Variants in WDR48 observed in about 807,000 individuals in gnomAD.
WDR48 encodes the protein WD repeat domain 48.
WDR48 carries 22 observed loss-of-function variants against 94.0 expected under a neutral mutation model. The observed-to-expected ratio is 0.23, with a 90% CI of 0.17 to 0.33. The LOEUF is 0.33. WDR48 is among the 10% of genes least tolerant of loss of function. WDR48 has a pLI of 1.00. For missense variants in WDR48, 541 were observed against 813.8 expected (o/e 0.66, Z 4.08); for synonymous variants, 278 against 280.5 (o/e 0.99, Z 0.09).
At chr3:39,067,784 A>C (rs1342965409) in intron 5 of WDR48, among the ~76,000 whole-genome samples, 1 of 152,170 alleles carries the variant, frequency 6.6e-6, no homozygotes, top group Admixed American at 6.5e-5. Flanking sequence ...ACTTGTGTTT[A>C]TAATCTCTTG....
At chr3:39,062,711 A>C (rs569820951) in intron 1 of WDR48, among the ~76,000 whole-genome samples, 121 of 152,322 alleles carry the variant, frequency 7.9e-4, no homozygotes, top group African/African-American at 2.7e-3. Flanking sequence ...TGAGTCTAGT[A>C]GTCAGCAACT....
At chr3:39,091,182 T>C (rs1198118477) in intron 16 of WDR48, 1 of 153,160 alleles carries the variant, frequency 6.5e-6, no homozygotes, top group African/African-American at 2.4e-5. Context: ...TGGGAGGACT[T>C]TGATTGGCCT....
chr3:39,066,405 T>G (rs1202789873), intron 3 of WDR48, 143 bp from the exon 4 acceptor site: 6 of 697,166 alleles, frequency 8.6e-6, no homozygotes, highest in Non-Finnish European at 1.4e-5. Flanking sequence ...ATACAATAGG[T>G]TCTAGAAAGA....
chr3:39,068,330 G>A (rs1460639131), intron 5 of WDR48, among the ~76,000 whole-genome samples: 1 of 152,084 alleles, frequency 6.6e-6, no homozygotes, highest in Non-Finnish European at 1.5e-5. Flanking sequence ...CTGAAAGGTT[G>A]TACCTATTTA....
At position 39,095,769 on chromosome 3, in the gene WDR48, C is replaced by G. The variant is rs1449657066; in HGVS notation, c.*1026C>G. On this transcript the variant is annotated 3_prime_UTR_variant, in exon 19 of 19. Transcript: ENST00000302313. ...GTATCCAGATCTTCTTTTCACTGTT[C>G]TAACAATCTAACACTTTCATAGAAT... 1 of 152,604 alleles carries G rather than the reference C, an allele frequency of 6.6e-6. No individual in the cohort carries two copies. The highest frequency in any genetic ancestry group is 1.5e-5 in the Non-Finnish European group (1 of 68,034). The allele number at this position is 152,604 out of a possible 1,614,324, so 9.5% of individuals were successfully genotyped here. A position where few individuals can be genotyped will look rare whatever the true frequency, so the allele number is the denominator to read the frequency against.
chr3:39,078,535 C>T (rs2034351441), intron 10 of WDR48, among the ~76,000 whole-genome samples: 2 of 151,918 alleles, frequency 1.3e-5, no homozygotes, highest in Admixed American at 6.5e-5. Flanking sequence ...TATCTTGCCT[C>T]ATCCTCCTGA....
chr3:39,087,229 G>A (rs892722288), intron 14 of WDR48, among the ~76,000 whole-genome samples: 3 of 152,162 alleles, frequency 2.0e-5, no homozygotes, highest in Middle Eastern at 3.2e-3. Flanking sequence ...ACCTGTGCTG[G>A]GTCAAAAGTT....
chr3:39,058,606 G>A (rs1388774654), intron 1 of WDR48, among the ~76,000 whole-genome samples: 1 of 152,176 alleles, frequency 6.6e-6, no homozygotes, highest in Non-Finnish European at 1.5e-5. Flanking sequence ...GAGAGAGGCT[G>A]AAGTTGACAT....
At chr3:39,069,802 G>T in intron 7 of WDR48, 58 bp downstream of exon 7, 1 of 1,436,286 alleles carries the variant, frequency 7.0e-7, no homozygotes, top group South Asian at 1.3e-5. Flanking sequence ...TCCGCACTTT[G>T]TATACTATTG....
intron 12 of WDR48, 64 bp from the exon 13 acceptor site, chr3:39,084,581 G>A (rs1056202483): frequency 4.2e-6 from 6 of 1,433,598 alleles, no homozygotes; most frequent in Admixed American, 1.9e-5. Context: ...AATAAATGAA[G>A]GTTTAGAGAC....
chr3:39,093,647 A>G (rs1261030120), intron 17 of WDR48, among the ~76,000 whole-genome samples: 3 of 152,158 alleles, frequency 2.0e-5, no homozygotes, highest in South Asian at 4.1e-4. Flanking sequence ...GTATATGTCA[A>G]GTTTTAAGAA....
At chr3:39,092,224 A>G (rs777802037) in intron 17 of WDR48, among the ~76,000 whole-genome samples, 73 of 152,322 alleles carry the variant, frequency 4.8e-4, no homozygotes, top group Admixed American at 1.7e-3. Flanking sequence ...CTTAATTCAC[A>G]GTTTAGGACC....
Position 39,094,764 on chromosome 3 carries a change from G to C in WDR48, c.*21G>C, listed in dbSNP as rs1416064558. 1 of 1,613,544 alleles carries C rather than the reference G, an allele frequency of 6.2e-7. No individual in the cohort carries two copies. The highest frequency in any genetic ancestry group is 1.7e-5 in the Admixed American group (1 of 59,962). ...CGTGAAGGCTGGGCTAATGCTCCTG[G>C]ATATTCATTTACGACCTTCCTCTAT... On this transcript the variant is annotated 3_prime_UTR_variant, in exon 19 of 19. Transcript: ENST00000302313.
chr3:39,067,015 C>G, intron 5 of WDR48, 140 bp downstream of exon 5: 1 of 960,444 alleles, frequency 1.0e-6, no homozygotes. Flanking sequence ...GCGTTCTGGC[C>G]CCCAAGAGTA....
chr3:39,094,518 G>A, intron 18 of WDR48, 130 bp from the exon 19 acceptor site: 1 of 1,540,068 alleles, frequency 6.5e-7, no homozygotes, highest in Non-Finnish European at 8.7e-7. Flanking sequence ...AGCCGTGACA[G>A]CAAGAATTGG....
chr3:39,095,054 A>G lies in WDR48; in HGVS notation c.*311A>G, dbSNP rs17038439. On this transcript the variant is annotated 3_prime_UTR_variant, in exon 19 of 19. Coordinates refer to ENST00000302313, the MANE Select transcript of WDR48 (RefSeq NM_020839.4). ...ACTTTGCTTCCTCCTTTTGTTTCAA[A>G]GGACCTTATCTACCCATTAACACTT... 0.12 allele frequency: 45,243 copies of G among 376,064 alleles called. 3,231 individuals carry two copies. The highest frequency in any genetic ancestry group is 0.23 in the East Asian group (4,930 of 21,422). 23.3% of individuals were successfully genotyped at this position (376,064 alleles called of 1,614,324 possible). A position where few individuals can be genotyped will look rare whatever the true frequency, so the allele number is the denominator to read the frequency against.
chr3:39,088,099 A>C, intron 14 of WDR48, 29 bp from the exon 15 acceptor site: 1 of 1,606,616 alleles, frequency 6.2e-7, no homozygotes, highest in Non-Finnish European at 8.5e-7. Flanking sequence ...ACTAACTCTG[A>C]TATTAACACC....
intron 11 of WDR48, among the ~76,000 whole-genome samples, chr3:39,082,136 A>C (rs768593700): frequency 2.6e-5 from 4 of 152,146 alleles, no homozygotes; most frequent in Non-Finnish European, 4.4e-5. Context: ...GATGTTGAGA[A>C]GCACAGTGTC....
intron 7 of WDR48, among the ~76,000 whole-genome samples, chr3:39,070,037 G>A (rs1004608684): frequency 8.5e-4 from 129 of 152,164 alleles, no homozygotes; most frequent in African/African-American, 3.0e-3. Context: ...TAAAGCAAAA[G>A]GAAGCTTTGA....
Sources: allele counts gnomAD v4.1 joint callset (sites outside exome capture counted in the v4.1 genomes callset), GRCh38; gene constraint gnomAD v4.1.1; transcripts MANE v1.5; gene names NCBI Gene and HGNC (gene_info 2026-07-23, HGNC 2026-07-21).